The following DNAH7 variants were observed in gnomAD, a reference collection of about 807,000 sequenced individuals.
DNAH7 encodes dynein axonemal heavy chain 7.
Under a neutral mutation model 444.6 loss-of-function variants are expected in DNAH7, and 397 were observed. That is an observed-to-expected ratio of 0.89 (90% CI 0.82 to 0.97). The LOEUF (loss-of-function observed/expected upper bound fraction) is 0.97. Ranked by LOEUF, DNAH7 falls within the 50% of genes least tolerant of loss-of-function variation. The pLI is 0.00. For synonymous variants in DNAH7, 1,636 were observed against 1,624.4 expected, an observed-to-expected ratio of 1.01 and a Z score of -0.17; for missense variants, 4,902 against 4,800.8, an observed-to-expected ratio of 1.02 and a Z score of -0.62.
intron 24 of DNAH7, among the ~76,000 whole-genome samples, chr2:195,915,947 T>A (rs1687648140): frequency 6.6e-6 from 1 of 152,228 alleles, no homozygotes; most frequent in East Asian, 1.9e-4. Context: ...TCCATTACTT[T>A]AGCTCTTTAG....
intron 24 of DNAH7, among the ~76,000 whole-genome samples, chr2:195,914,532 T>G (rs1687552590): frequency 2.6e-5 from 4 of 152,214 alleles, no homozygotes; most frequent in Admixed American, 2.6e-4. Context: ...TGCATTGTTC[T>G]TGGCCTTAAT....
At chr2:195,830,478 G>T (rs1698011480) in intron 48 of DNAH7, among the ~76,000 whole-genome samples, 1 of 152,110 alleles carries the variant, frequency 6.6e-6, no homozygotes, top group Admixed American at 6.6e-5. Flanking sequence ...GTTCAACTCT[G>T]TAGCATATTT....
At chr2:196,055,416 GGAAAA>G (rs1697743468) in intron 2 of DNAH7, among the ~76,000 whole-genome samples, 1 of 152,044 alleles carries the variant, frequency 6.6e-6, no homozygotes, top group Admixed American at 6.6e-5. Flanking sequence ...AGAAAAGAAA[GGAAAA>G]GAAAAGGAAA....
intron 30 of DNAH7, chr2:195,894,003 TAAG>T (rs758540372): frequency 2.7e-5 from 4 of 150,706 alleles, no homozygotes; most frequent in African/African-American, 4.9e-5. Flanking sequence ...AGAAGACAAT[TAAG>T]AAGTGAAAAA....
chr2:195,794,530 G>A lies in DNAH7; in HGVS notation c.10524C>T (p.Ser3508=). 6.2e-7 allele frequency: 1 copy of A among 1,614,016 alleles called. No individual in the cohort carries two copies. Among genetic ancestry groups the A allele is most frequent in the Non-Finnish European group, 8.5e-7 (1 of 1,179,904 alleles). ...GGAAATCTGGATGTGTTGACTCTGG[G>A]CTTAACTCCTGTAAGAAAATAAATC... The part of the protein sequence containing the change: ...PTLEKVCEEL[S]PESTHPDFRM... The change falls in exon 57 of 65, where the codon AGC becomes AGT. Residue 3508 remains serine (S), a synonymous_variant. Transcript: ENST00000312428.
intron 48 of DNAH7, among the ~76,000 whole-genome samples, chr2:195,827,225 T>C (rs1027198187): frequency 2.0e-5 from 3 of 152,226 alleles, no homozygotes; most frequent in Non-Finnish European, 4.4e-5. Flanking sequence ...ATCTGTATTT[T>C]TAAACATTGT....
At chr2:196,055,685 C>G (rs1419397453) in intron 2 of DNAH7, among the ~76,000 whole-genome samples, 1 of 152,192 alleles carries the variant, frequency 6.6e-6, no homozygotes, top group African/African-American at 2.4e-5. Flanking sequence ...TTATAGATGA[C>G]AGAGAGGAAT....
chr2:195,979,911 A>G (rs985974625), intron 15 of DNAH7, among the ~76,000 whole-genome samples: 1 of 152,062 alleles, frequency 6.6e-6, no homozygotes, highest in African/African-American at 2.4e-5. Flanking sequence ...AGACTGAACC[A>G]CAAAGAAATA....
intron 37 of DNAH7, 141 bp from the exon 38 acceptor site, chr2:195,875,984 G>C (rs1314240944): frequency 2.7e-6 from 2 of 730,266 alleles, no homozygotes; most frequent in Admixed American, 3.6e-5. Context: ...TTCTAAACAA[G>C]GATAATATCC....
intron 5 of DNAH7, among the ~76,000 whole-genome samples, chr2:196,043,578 T>C (rs1241554488): frequency 6.6e-6 from 1 of 151,488 alleles, no homozygotes; most frequent in Non-Finnish European, 1.5e-5. Flanking sequence ...CTAATTAAAC[T>C]AAAAAGCTCC....
intron 19 of DNAH7, among the ~76,000 whole-genome samples, chr2:195,947,065 A>G (rs974399391): frequency 1.3e-5 from 2 of 149,918 alleles, no homozygotes; most frequent in Admixed American, 1.3e-4. Context: ...AAACCAAGAC[A>G]TCTCAATAAA....
intron 27 of DNAH7, chr2:195,903,726 C>G (rs929328924): frequency 1.3e-5 from 2 of 152,072 alleles, no homozygotes; most frequent in Admixed American, 6.6e-5. Context: ...ATGTCTACAA[C>G]CTTGAACCCT....
intron 36 of DNAH7, among the ~76,000 whole-genome samples, chr2:195,878,427 C>T (rs912476569): frequency 7.9e-5 from 12 of 151,848 alleles, no homozygotes; most frequent in African/African-American, 2.2e-4. Context: ...GGCCACATAG[C>T]AAGATCCCAC....
chr2:195,937,754 A>C (rs1689151868), intron 19 of DNAH7, among the ~76,000 whole-genome samples: 1 of 152,110 alleles, frequency 6.6e-6, no homozygotes, highest in South Asian at 2.1e-4. Context: ...ATAATTCCAA[A>C]GTCAGTGTTC....
chr2:195,738,902 A>T (rs1692818207), intron 64 of DNAH7, among the ~76,000 whole-genome samples: 2 of 152,158 alleles, frequency 1.3e-5, no homozygotes, highest in South Asian at 4.1e-4. Flanking sequence ...TTGTTGAAGG[A>T]GCTTATAAGG....
intron 24 of DNAH7, among the ~76,000 whole-genome samples, chr2:195,913,965 T>C (rs1687514915): frequency 6.6e-6 from 1 of 152,190 alleles, no homozygotes; most frequent in Admixed American, 6.5e-5. Context: ...CTGCCTGCCT[T>C]GGCCTCTCAA....
intron 9 of DNAH7, among the ~76,000 whole-genome samples, chr2:196,015,712 A>G (rs1423092425): frequency 3.3e-5 from 5 of 152,194 alleles, no homozygotes; most frequent in Admixed American, 6.5e-5. Context: ...ACGTTTTTGC[A>G]TTAACATTCC....
At chr2:195,841,310 C>T (rs1047669687) in intron 47 of DNAH7, among the ~76,000 whole-genome samples, 1 of 151,618 alleles carries the variant, frequency 6.6e-6, no homozygotes, top group Non-Finnish European at 1.5e-5. Flanking sequence ...CAATTATACA[C>T]AAACAAATCT....
At chr2:195,927,773 T>C (rs1230341742) in intron 21 of DNAH7, among the ~76,000 whole-genome samples, 1 of 151,736 alleles carries the variant, frequency 6.6e-6, no homozygotes, top group Admixed American at 6.6e-5. Context: ...GAATAACATA[T>C]ATATGTAGTA....
Sources: allele counts gnomAD v4.1 joint callset (sites outside exome capture counted in the v4.1 genomes callset), GRCh38; gene constraint gnomAD v4.1.1; transcripts MANE v1.5; gene names NCBI Gene and HGNC (gene_info 2026-07-23, HGNC 2026-07-21).